The following ANKS1B variants were observed in gnomAD, a reference collection of about 807,000 sequenced individuals.
ANKS1B encodes the protein ankyrin repeat and sterile alpha motif domain containing 1B.
ANKS1B carries 36 observed loss-of-function variants against 148.3 expected under a neutral mutation model. The observed-to-expected ratio is 0.24, with a 90% CI of 0.19 to 0.32. The LOEUF (loss-of-function observed/expected upper bound fraction) is 0.32. Ranked by LOEUF, ANKS1B falls within the 10% of genes least tolerant of loss-of-function variation. The probability of loss-of-function intolerance (pLI) is 1.00; values close to 1 mark genes in which losing one functional copy is unlikely to be tolerated. For synonymous variants in ANKS1B, 542 were observed against 560.8 expected (o/e 0.97, Z 0.47); for missense variants, 1,157 against 1,542.6 (o/e 0.75, Z 4.19).
chr12:99,520,782 G>A (rs758662758), intron 9 of ANKS1B, among the ~76,000 whole-genome samples: 3 of 151,862 alleles, frequency 2.0e-5, no homozygotes, highest in African/African-American at 4.8e-5. Context: ...CTCTGACTGT[G>A]TTTTTTGTTT....
intron 25 of ANKS1B, among the ~76,000 whole-genome samples, chr12:98,753,813 T>C (rs771992452): frequency 5.3e-5 from 8 of 152,206 alleles, no homozygotes; most frequent in Non-Finnish European, 1.2e-4. Context: ...CTGATGCTGA[T>C]ATTGCAACTA....
intron 10 of ANKS1B, among the ~76,000 whole-genome samples, chr12:99,494,214 T>C (rs2096581185): frequency 6.6e-6 from 1 of 152,158 alleles, no homozygotes; most frequent in Non-Finnish European, 1.5e-5. Flanking sequence ...TTAGTAACTT[T>C]AGAAAGCACA....
intron 9 of ANKS1B, among the ~76,000 whole-genome samples, chr12:99,557,036 A>C (rs1194561534): frequency 6.6e-6 from 1 of 152,164 alleles, no homozygotes; most frequent in Non-Finnish European, 1.5e-5. Flanking sequence ...ACTGTAAGTG[A>C]GATGTTCAAC....
At chr12:99,303,568 T>A (rs1602615897) in intron 12 of ANKS1B, among the ~76,000 whole-genome samples, 2 of 152,292 alleles carry the variant, frequency 1.3e-5, no homozygotes, top group South Asian at 2.1e-4. Context: ...ATTTCAGTAT[T>A]GATAAATTGT....
chr12:98,740,721 G>C (rs2153352200), downstream of ANKS1B, among the ~76,000 whole-genome samples: 1 of 152,322 alleles, frequency 6.6e-6, no homozygotes, highest in South Asian at 2.1e-4. Context: ...GGGGGCTGCA[G>C]TGTGCTCAGC....
intron 1 of ANKS1B, among the ~76,000 whole-genome samples, chr12:99,881,049 G>C (rs1603429532): frequency 2.0e-5 from 3 of 152,198 alleles, no homozygotes; most frequent in African/African-American, 7.2e-5. Context: ...GATTGGAGAA[G>C]ACCAGAATTC....
At chr12:98,883,573 G>A (rs2099722481) in intron 17 of ANKS1B, among the ~76,000 whole-genome samples, 1 of 152,192 alleles carries the variant, frequency 6.6e-6, no homozygotes, top group African/African-American at 2.4e-5. Flanking sequence ...TTTATTCATA[G>A]TCACTTACAA....
chr12:99,583,802 G>A (rs2097594856), intron 9 of ANKS1B, among the ~76,000 whole-genome samples: 1 of 152,110 alleles, frequency 6.6e-6, no homozygotes, highest in Non-Finnish European at 1.5e-5. Context: ...GAAACAGTGT[G>A]GGATCCAAAG....
Position 98,778,292 on chromosome 12 carries a change from A to G in ANKS1B, c.3441+2825T>C, listed in dbSNP as rs189583964. Among the ~76,000 whole-genome samples, 59 of 152,294 alleles carry G rather than the reference A, an allele frequency of 3.9e-4. 1 individual carries two copies. Among genetic ancestry groups the G allele is most frequent in the Admixed American group, 1.6e-3 (25 of 15,300 alleles). On this transcript the variant is annotated intron_variant, in intron 24 of 26. Coordinates refer to ENST00000683438, the MANE Select transcript of ANKS1B (RefSeq NM_001352186.2). ...GGAGTTCGAGACCAGCCTGGCCAAC[A>G]TGGCGAAATCCCATCTCTACTAAAA... is the stretch of plus-strand genomic sequence containing the variant.
At chr12:99,860,872 A>G (rs2089931996) in intron 1 of ANKS1B, among the ~76,000 whole-genome samples, 1 of 152,218 alleles carries the variant, frequency 6.6e-6, no homozygotes, top group South Asian at 2.1e-4. Context: ...AAGGATGGCT[A>G]TATCTTTCCT....
rs566619580 is a variant in ANKS1B, at chr12:99,969,969, T to C, written c.134+14135A>G. On this transcript the variant is annotated intron_variant, in intron 1 of 26. Coordinates refer to ENST00000683438, the MANE Select transcript of ANKS1B (RefSeq NM_001352186.2). Reference sequence around the variant, plus strand: ...TGCAAGACTTGTAAAGATTGAAGAATATAATTTTATGTAAAAAAAGTGGCC... The same window carrying C: ...TGCAAGACTTGTAAAGATTGAAGAACATAATTTTATGTAAAAAAAGTGGCC... Among the ~76,000 whole-genome samples the C allele has an allele frequency of 6.7e-5, 10 of 149,742 alleles. No individual in the cohort carries two copies. In the South Asian group the frequency reaches 2.1e-3, roughly 31 times the overall value.
At chr12:99,300,027 T>C (rs925738434) in intron 12 of ANKS1B, among the ~76,000 whole-genome samples, 2 of 152,170 alleles carry the variant, frequency 1.3e-5, no homozygotes, top group African/African-American at 2.4e-5. Context: ...ACAAGCCACA[T>C]TGAATGCTAA....
chr12:99,103,875 T>C (rs986974296), intron 15 of ANKS1B, among the ~76,000 whole-genome samples: 3 of 152,192 alleles, frequency 2.0e-5, no homozygotes, highest in Non-Finnish European at 1.5e-5. Flanking sequence ...ATTTACATTC[T>C]CTCAAGTATA....
intron 12 of ANKS1B, among the ~76,000 whole-genome samples, chr12:99,394,304 T>C (rs2152561012): frequency 6.6e-6 from 1 of 152,276 alleles, no homozygotes; most frequent in Admixed American, 6.5e-5. Flanking sequence ...CCAAAACATC[T>C]GTTCATGCTC....
chr12:99,698,296 T>C (rs2054238228), intron 8 of ANKS1B, among the ~76,000 whole-genome samples: 2 of 152,076 alleles, frequency 1.3e-5, no homozygotes, highest in Admixed American at 6.6e-5. Context: ...TCAGTGGAAA[T>C]ATTCTAAGGA....
intron 8 of ANKS1B, among the ~76,000 whole-genome samples, chr12:99,675,392 CAGA>C (rs1344773507): frequency 4.0e-5 from 6 of 151,764 alleles, no homozygotes; most frequent in Non-Finnish European, 8.8e-5. Context: ...ATCATATTCT[CAGA>C]AAATATTTAG....
At chr12:98,850,699 C>T (rs575319967) in intron 17 of ANKS1B, among the ~76,000 whole-genome samples, 1 of 151,740 alleles carries the variant, frequency 6.6e-6, no homozygotes, top group Admixed American at 6.6e-5. Flanking sequence ...GATCTCCTGA[C>T]CTCGTGATCC....
intron 1 of ANKS1B, among the ~76,000 whole-genome samples, chr12:99,902,075 G>A (rs1344927927): frequency 6.6e-6 from 1 of 152,190 alleles, no homozygotes; most frequent in East Asian, 1.9e-4. Flanking sequence ...CAAGAGAGGT[G>A]CAGATTATAA....
chr12:98,958,807 T>G (rs2099866526), intron 17 of ANKS1B, among the ~76,000 whole-genome samples: 1 of 152,228 alleles, frequency 6.6e-6, no homozygotes, highest in African/African-American at 2.4e-5. Flanking sequence ...TGTTCTGTTA[T>G]TACTTCAAAT....
Sources: gnomAD v4.1 joint callset for allele counts (sites outside exome capture counted in the v4.1 genomes callset) on GRCh38, gnomAD v4.1.1 for gene constraint, MANE v1.5 for transcripts, NCBI Gene and HGNC (gene_info 2026-07-23, HGNC 2026-07-21) for gene names.